Variants in DNAH5 observed in about 807,000 individuals in gnomAD.
DNAH5 encodes the protein dynein axonemal heavy chain 5.
DNAH5 carries 372 observed loss-of-function variants against 518.2 expected under a neutral mutation model. The observed-to-expected ratio is 0.72, with a 90% CI of 0.66 to 0.78. The LOEUF (loss-of-function observed/expected upper bound fraction) is 0.78, where lower values mean the gene tolerates loss of function less well. Ranked by LOEUF, DNAH5 falls within the 30% of genes least tolerant of loss-of-function variation. The probability of loss-of-function intolerance (pLI) is 0.00; values close to 1 mark genes in which losing one functional copy is unlikely to be tolerated. For synonymous variants in DNAH5, 2,039 were observed against 2,025.9 expected (o/e 1.01, Z -0.17); for missense variants, 5,523 against 5,687.0 (o/e 0.97, Z 0.93).
At chr5:13,866,353 T>C (rs1769253574) in intron 25 of DNAH5, 71 bp from the exon 26 acceptor site, 3 of 1,264,522 alleles carry the variant, frequency 2.4e-6, no homozygotes, top group Non-Finnish European at 3.4e-6. Context: ...TCAATCCATA[T>C]TTAAATATTA....
At chr5:13,702,762 G>A (rs555799385) in intron 76 of DNAH5, among the ~76,000 whole-genome samples, 51 of 152,272 alleles carry the variant, frequency 3.3e-4, no homozygotes, top group African/African-American at 1.2e-3. Context: ...AAATAACATG[G>A]AGAAGACAAG....
At chr5:13,692,607 C>G (rs2126337433) in intron 78 of DNAH5, among the ~76,000 whole-genome samples, 1 of 152,304 alleles carries the variant, frequency 6.6e-6, no homozygotes, top group South Asian at 2.1e-4. Flanking sequence ...ACAGAGGGTG[C>G]CTCCCCACCC....
chr5:13,879,624 A>G (rs1561492793), intron 21 of DNAH5, among the ~76,000 whole-genome samples: 1 of 152,098 alleles, frequency 6.6e-6, no homozygotes, highest in Non-Finnish European at 1.5e-5. Context: ...AAAAAGCACC[A>G]AACAGCAAAC....
chr5:13,733,904 TTA>T (rs1270620597), intron 68 of DNAH5, among the ~76,000 whole-genome samples: 5 of 152,172 alleles, frequency 3.3e-5, no homozygotes, highest in African/African-American at 1.2e-4. Context: ...CTAGATAAAA[TTA>T]TGTCTTATCT....
chr5:13,786,919 T>TA (rs1422416969), intron 51 of DNAH5, among the ~76,000 whole-genome samples: 14 of 152,158 alleles, frequency 9.2e-5, no homozygotes, highest in African/African-American at 3.4e-4. Context: ...TATACTTTTT[T>TA]AAAAAATTAG....
rs553827849 is a variant in DNAH5, at chr5:13,741,810, T to C, written c.11212-4315A>G. Among the ~76,000 whole-genome samples, 8 of 152,212 alleles carry C rather than the reference T, an allele frequency of 5.3e-5. No homozygotes were observed. In the South Asian group the frequency reaches 1.7e-3, roughly 32 times the overall value. The stretch of plus-strand genomic sequence containing the variant: ...GTTTTGACATCAGGAAGACATATGT[T>C]TGAATTACAGCTCTCAAAACCCTTC... On this transcript the variant is annotated intron_variant, in intron 65 of 78. Coordinates refer to ENST00000265104, the MANE Select transcript of DNAH5 (RefSeq NM_001369.3).
intron 1 of DNAH5, among the ~76,000 whole-genome samples, chr5:13,970,718 T>C (rs1213864783): frequency 6.6e-6 from 1 of 152,218 alleles, no homozygotes; most frequent in Non-Finnish European, 1.5e-5. Flanking sequence ...GCTCTTAAGA[T>C]TCTTTCCTTC....
intron 31 of DNAH5, among the ~76,000 whole-genome samples, chr5:13,845,445 C>T (rs1373703253): frequency 6.6e-6 from 1 of 151,974 alleles, no homozygotes; most frequent in Non-Finnish European, 1.5e-5. Context: ...GAAATTGTGA[C>T]TTAAAAGAGA....
chr5:13,930,713 C>G (rs932100918), intron 2 of DNAH5, among the ~76,000 whole-genome samples: 1 of 152,162 alleles, frequency 6.6e-6, no homozygotes, highest in Non-Finnish European at 1.5e-5. Context: ...AGCTGCCAAA[C>G]CAAAGTGAAA....
intron 31 of DNAH5, among the ~76,000 whole-genome samples, chr5:13,847,775 T>TGTGA (rs1208661354): frequency 3.3e-5 from 5 of 150,056 alleles, no homozygotes; most frequent in Admixed American, 2.6e-4. Context: ...CGCATGTGTG[T>TGTGA]GTGTGTGTCT....
At chr5:13,986,454 T>A (rs58752903) in intron 1 of DNAH5, among the ~76,000 whole-genome samples, 1,654 of 152,280 alleles carry the variant, frequency 0.011, 38 homozygotes, top group African/African-American at 0.038. Context: ...CATCCCTGAA[T>A]TTGGAATTGG....
At chr5:13,791,258 A>C (rs1756944031) in intron 50 of DNAH5, among the ~76,000 whole-genome samples, 1 of 152,156 alleles carries the variant, frequency 6.6e-6, no homozygotes, top group Admixed American at 6.6e-5. Flanking sequence ...CCTAAAACCC[A>C]TTTGCTTAAT....
chr5:14,001,101 T>A (rs183416481), intron 1 of DNAH5, among the ~76,000 whole-genome samples: 1 of 152,140 alleles, frequency 6.6e-6, no homozygotes, highest in East Asian at 1.9e-4. Context: ...TGGGTACACA[T>A]GAACGTAGAG....
intron 71 of DNAH5, 139 bp downstream of exon 71, chr5:13,720,861 T>TTAA: frequency 9.2e-7 from 1 of 1,088,462 alleles, no homozygotes; most frequent in African/African-American, 1.6e-5. Context: ...AGCTTAAATT[T>TTAA]AAAAAAAAAA....
rs758003240 is a variant in DNAH5, at chr5:13,788,708, T to C, written c.8647+8A>G. 2 of 1,612,240 alleles carry C rather than the reference T, an allele frequency of 1.2e-6. No homozygotes were observed. The highest frequency in any genetic ancestry group is 1.7e-6 in the Non-Finnish European group (2 of 1,178,310). On this transcript the variant is annotated splice_region_variant and intron_variant, in intron 51 of 78. Coordinates refer to ENST00000265104, the MANE Select transcript of DNAH5 (RefSeq NM_001369.3). Reference sequence around the variant, plus strand: ...TGGGGAATTCCAAATTCCACTTCAATAGTTTACCTGCAGCTTCAGGTGCAT... The same window carrying C: ...TGGGGAATTCCAAATTCCACTTCAACAGTTTACCTGCAGCTTCAGGTGCAT...
rs1045771272 is a variant in DNAH5, at chr5:13,944,521, G to C, written c.-83C>G. 1 of 1,189,260 alleles carries C rather than the reference G, an allele frequency of 8.4e-7. No homozygotes were observed. Among genetic ancestry groups the C allele is most frequent in the Non-Finnish European group, 1.2e-6 (1 of 807,648 alleles). 73.7% of individuals were successfully genotyped at this position (1,189,260 alleles called of 1,614,324 possible). On this transcript the variant is annotated 5_prime_UTR_variant, in exon 1 of 79. Coordinates refer to ENST00000265104, the MANE Select transcript of DNAH5 (RefSeq NM_001369.3). ...GGCAGACCTGCTCAACATCCAACAG[G>C]CTTCCAAATGGAAAGTTTTACTTCC... is the stretch of plus-strand genomic sequence containing the variant.
chr5:13,954,413 G>T (rs926815024), intron 1 of DNAH5, among the ~76,000 whole-genome samples: 1 of 152,172 alleles, frequency 6.6e-6, no homozygotes, highest in Non-Finnish European at 1.5e-5. Flanking sequence ...ATGCAATAAG[G>T]TTTACAGGAT....
chr5:13,790,939 A>G (rs1407887824), intron 50 of DNAH5, among the ~76,000 whole-genome samples: 1 of 152,122 alleles, frequency 6.6e-6, no homozygotes, highest in African/African-American at 2.4e-5. Context: ...GTGAGAGGAG[A>G]GAGAGGAGCA....
chr5:13,914,475 T>G (rs771893961), intron 10 of DNAH5, 45 bp downstream of exon 10: 1 of 1,596,456 alleles, frequency 6.3e-7, no homozygotes, highest in Non-Finnish European at 8.6e-7. Flanking sequence ...TCAACAAAAA[T>G]AAGATAAAAA....
Sources: gnomAD v4.1 joint callset for allele counts (sites outside exome capture counted in the v4.1 genomes callset) on GRCh38, gnomAD v4.1.1 for gene constraint, MANE v1.5 for transcripts, NCBI Gene and HGNC (gene_info 2026-07-23, HGNC 2026-07-21) for gene names.